TMEM132D: variants seen among roughly 807,000 people sequenced by gnomAD.
TMEM132D encodes the protein transmembrane protein 132D.
In TMEM132D, 21 loss-of-function variants were observed where a neutral mutation model predicts 62.3. The ratio of observed to expected loss-of-function variants is 0.34; its 90% CI spans 0.24 to 0.49. The LOEUF is 0.49. TMEM132D is among the 20% of genes least tolerant of loss of function. The pLI, the probability that TMEM132D is intolerant of heterozygous loss-of-function variation, is 0.99. For missense variants in TMEM132D, 1,346 were observed against 1,402.8 expected, an observed-to-expected ratio of 0.96 and a Z score of 0.65; for synonymous variants, 621 against 575.6, an observed-to-expected ratio of 1.08 and a Z score of -1.13.
chr12:129,752,619 G>T (rs1011928885), intron 1 of TMEM132D, among the ~76,000 whole-genome samples: 1 of 152,208 alleles, frequency 6.6e-6, no homozygotes, highest in Non-Finnish European at 1.5e-5. Context: ...AAGAGCAGCA[G>T]TGCTGGCCAA....
intron 3 of TMEM132D, among the ~76,000 whole-genome samples, chr12:129,412,989 A>T (rs1022902265): frequency 1.3e-5 from 2 of 152,176 alleles, no homozygotes; most frequent in Non-Finnish European, 2.9e-5. Context: ...ACTCATTTCC[A>T]TGAGAAAAAT....
chr12:129,498,587 A>G (rs927978833), intron 3 of TMEM132D, among the ~76,000 whole-genome samples: 1 of 152,184 alleles, frequency 6.6e-6, no homozygotes, highest in Non-Finnish European at 1.5e-5. Flanking sequence ...GTAATTTCCA[A>G]CATCTTTTTC....
At chr12:129,899,172 G>A (rs1000480730) in intron 1 of TMEM132D, among the ~76,000 whole-genome samples, 1 of 150,634 alleles carries the variant, frequency 6.6e-6, no homozygotes, top group South Asian at 2.1e-4. Context: ...TGGAAGGATG[G>A]GTGGATAGAA....
chr12:129,513,687 G>A (rs1197490832), intron 3 of TMEM132D, among the ~76,000 whole-genome samples: 2 of 151,054 alleles, frequency 1.3e-5, no homozygotes, highest in Admixed American at 6.6e-5. Flanking sequence ...GGGTTTCACC[G>A]TGTCAGCCAG....
At chr12:129,372,287 C>G (rs941939474) in intron 3 of TMEM132D, among the ~76,000 whole-genome samples, 9 of 152,196 alleles carry the variant, frequency 5.9e-5, no homozygotes, top group African/African-American at 1.9e-4. Context: ...CCAGGGGTCC[C>G]CAGTCTGTGC....
At position 129,690,888 on chromosome 12, in the gene TMEM132D, T is replaced by TAC. The variant is rs566225771; in HGVS notation, c.968+8920_968+8921dup. On this transcript the variant is annotated intron_variant, in intron 2 of 8. Coordinates refer to ENST00000422113, the MANE Select transcript of TMEM132D (RefSeq NM_133448.3). The stretch of plus-strand genomic sequence containing the variant: ...AATATTCCATCCAAAAGAAGCAGAA[T>TAC]ACACTTTCTTCTCAAAATCTCATGA... Among the ~76,000 whole-genome samples, 681 of 152,220 alleles carry TAC rather than the reference T, an allele frequency of 4.5e-3. 5 individuals carry two copies. Among genetic ancestry groups the TAC allele is most frequent in the African/African-American group, 0.015 (610 of 41,578 alleles).
intron 1 of TMEM132D, among the ~76,000 whole-genome samples, chr12:129,792,961 T>C (rs1034130874): frequency 7.9e-5 from 12 of 152,198 alleles, no homozygotes; most frequent in African/African-American, 2.4e-4. Flanking sequence ...CCAATATTTC[T>C]TTCTGGGATG....
intron 3 of TMEM132D, among the ~76,000 whole-genome samples, chr12:129,395,061 T>C (rs1332571344): frequency 2.0e-5 from 3 of 152,174 alleles, no homozygotes; most frequent in African/African-American, 7.2e-5. Context: ...TGTATAAGTG[T>C]TCCTCCAAAA....
At chr12:129,363,534 G>C (rs999115809) in intron 3 of TMEM132D, among the ~76,000 whole-genome samples, 3 of 152,154 alleles carry the variant, frequency 2.0e-5, no homozygotes, top group Admixed American at 2.0e-4. Flanking sequence ...TGAAAGTGCT[G>C]AGAGGCTCAG....
At chr12:129,577,031 CTT>C (rs1314226505) in intron 2 of TMEM132D, among the ~76,000 whole-genome samples, 1 of 151,890 alleles carries the variant, frequency 6.6e-6, no homozygotes, top group African/African-American at 2.4e-5. Context: ...AATGTCATAA[CTT>C]TTCTCTGCTT....
chr12:129,130,308 A>G (rs1041106926), intron 5 of TMEM132D, among the ~76,000 whole-genome samples: 1 of 136,954 alleles, frequency 7.3e-6, no homozygotes, highest in African/African-American at 2.8e-5. Flanking sequence ...CAGCCTCCTC[A>G]TCCCAGCTCA....
chr12:129,266,156 T>C (rs1165865866), intron 4 of TMEM132D, among the ~76,000 whole-genome samples: 1 of 152,170 alleles, frequency 6.6e-6, no homozygotes, highest in Non-Finnish European at 1.5e-5. Flanking sequence ...AGTACTCGTA[T>C]CTTTACTGAC....
chr12:129,801,442 C>T (rs935277480), intron 1 of TMEM132D, among the ~76,000 whole-genome samples: 23 of 151,874 alleles, frequency 1.5e-4, no homozygotes, highest in South Asian at 4.2e-4. Context: ...ACACCTCACA[C>T]GGCAGGGTAT....
At chr12:129,866,811 C>G (rs1429931354) in intron 1 of TMEM132D, among the ~76,000 whole-genome samples, 1 of 152,104 alleles carries the variant, frequency 6.6e-6, no homozygotes, top group Non-Finnish European at 1.5e-5. Flanking sequence ...GCACAGACAT[C>G]TGAACTCCCA....
intron 3 of TMEM132D, among the ~76,000 whole-genome samples, chr12:129,398,498 T>A (rs1871498729): frequency 6.6e-6 from 1 of 152,170 alleles, no homozygotes; most frequent in African/African-American, 2.4e-5. Flanking sequence ...CCTTGGGCAG[T>A]ACCAGGAAAC....
chr12:129,637,629 C>A (rs1396645714), intron 2 of TMEM132D, among the ~76,000 whole-genome samples: 1 of 152,144 alleles, frequency 6.6e-6, no homozygotes, highest in Non-Finnish European at 1.5e-5. Context: ...GCCATGCTTC[C>A]TGTAAAGCCT....
rs563813943 is a variant in TMEM132D, at chr12:129,602,085, C to T, written c.969-70880G>A. On this transcript the variant is annotated intron_variant, in intron 2 of 8. Coordinates refer to ENST00000422113, the MANE Select transcript of TMEM132D (RefSeq NM_133448.3). ...CTTTCTCATTGGAGTCCATTCACTTCTACCTTCAGTACATAGGACAGGGTT... is the reference window on the plus strand; with the variant it reads ...CTTTCTCATTGGAGTCCATTCACTTTTACCTTCAGTACATAGGACAGGGTT... Among the ~76,000 whole-genome samples, 6 of 152,308 alleles carry T rather than the reference C, an allele frequency of 3.9e-5. No individual in the cohort carries two copies. In the South Asian group the frequency reaches 6.2e-4, roughly 16 times the overall value.
intron 5 of TMEM132D, among the ~76,000 whole-genome samples, chr12:129,169,825 T>C (rs2135545851): frequency 6.6e-6 from 1 of 152,342 alleles, no homozygotes. Context: ...ATGCCATGTG[T>C]CTAAACACCA....
intron 3 of TMEM132D, among the ~76,000 whole-genome samples, chr12:129,419,017 C>T (rs548750531): frequency 3.3e-4 from 51 of 152,310 alleles, no homozygotes; most frequent in South Asian, 1.2e-3. Flanking sequence ...GAGCCTTCCA[C>T]GGGAGCAGGG....
Sources: gnomAD v4.1 joint callset for allele counts (sites outside exome capture counted in the v4.1 genomes callset) on GRCh38, gnomAD v4.1.1 for gene constraint, MANE v1.5 for transcripts, NCBI Gene and HGNC (gene_info 2026-07-23, HGNC 2026-07-21) for gene names.